The following ADGRA1 variants were observed in gnomAD, a reference collection of about 807,000 sequenced individuals.
ADGRA1 encodes adhesion G protein-coupled receptor A1.
Under a neutral mutation model 21.3 loss-of-function variants are expected in ADGRA1, and 12 were observed. That is an observed-to-expected ratio of 0.56 (90% CI 0.36 to 0.91). ADGRA1 has a LOEUF of 0.91. Ranked by LOEUF, ADGRA1 falls within the 40% of genes least tolerant of loss-of-function variation. The pLI, the probability that ADGRA1 is intolerant of heterozygous loss-of-function variation, is 0.01. For missense variants in ADGRA1, 790 were observed against 805.6 expected, an observed-to-expected ratio of 0.98 and a Z score of 0.23; for synonymous variants, 385 against 368.8, an observed-to-expected ratio of 1.04 and a Z score of -0.50.
At chr10:133,119,230 G>A (rs566427551) in intron 5 of ADGRA1, among the ~76,000 whole-genome samples, 6 of 148,170 alleles carry the variant, frequency 4.0e-5, no homozygotes, top group African/African-American at 1.0e-4. Context: ...TGAGGTCTCC[G>A]CGGACCTTAC....
At chr10:133,121,413 CAT>C (rs1205001999) in intron 5 of ADGRA1, among the ~76,000 whole-genome samples, 1 of 149,196 alleles carries the variant, frequency 6.7e-6, no homozygotes, top group African/African-American at 2.5e-5. Context: ...TGCGTGTGTG[CAT>C]GTGTGTGGTG....
intron 2 of ADGRA1, among the ~76,000 whole-genome samples, chr10:133,090,460 T>C (rs1001169716): frequency 6.6e-6 from 1 of 152,120 alleles, no homozygotes; most frequent in African/African-American, 2.4e-5. Flanking sequence ...CAAGTAACAT[T>C]TGCACCTGAG....
chr10:133,104,904 A>G (rs1365772969), intron 5 of ADGRA1, among the ~76,000 whole-genome samples: 1 of 152,056 alleles, frequency 6.6e-6, no homozygotes, highest in Non-Finnish European at 1.5e-5. Flanking sequence ...GCACCTCCTC[A>G]GGGAGGCCAG....
At chr10:133,109,119 AC>A (rs1199158994) in intron 5 of ADGRA1, among the ~76,000 whole-genome samples, 2 of 90,828 alleles carry the variant, frequency 2.2e-5, no homozygotes, top group African/African-American at 8.8e-5. Context: ...AACCAGCTCC[AC>A]CCCCACAATG....
chr10:133,115,687 C>T (rs1852144419), intron 5 of ADGRA1, among the ~76,000 whole-genome samples: 2 of 152,164 alleles, frequency 1.3e-5, no homozygotes. Flanking sequence ...CGGCCGATGG[C>T]GTTGTCACCC....
intron 5 of ADGRA1, among the ~76,000 whole-genome samples, chr10:133,117,629 T>C: frequency 6.6e-6 from 1 of 152,236 alleles, no homozygotes; most frequent in East Asian, 1.9e-4. Context: ...CTGCCAGTTG[T>C]CAGCTCAGCA....
At chr10:133,098,819 G>C in intron 4 of ADGRA1, 56 bp downstream of exon 4, 3 of 1,564,012 alleles carry the variant, frequency 1.9e-6, no homozygotes, top group Non-Finnish European at 2.6e-6. Flanking sequence ...CGTGAGCGTC[G>C]TCTTGTTTAC....
chr10:133,092,981 G>A (rs558871566), intron 2 of ADGRA1: 94 of 1,590,378 alleles, frequency 5.9e-5, no homozygotes, highest in Non-Finnish European at 6.9e-5. Context: ...ACCTGGCCCC[G>A]GACACCTCAC....
intron 5 of ADGRA1, among the ~76,000 whole-genome samples, chr10:133,117,762 T>C (rs1852185886): frequency 6.6e-6 from 1 of 152,192 alleles, no homozygotes; most frequent in South Asian, 2.1e-4. Flanking sequence ...GGCAGTGACT[T>C]AGAGACACGA....
Position 133,088,777 on chromosome 10 carries a change from C to A in ADGRA1, c.-133C>A. The A allele has an allele frequency of 8.1e-7, 1 of 1,232,008 alleles. No individual in the cohort carries two copies. Among genetic ancestry groups the A allele is most frequent in the Non-Finnish European group, 1.0e-6 (1 of 987,772 alleles). The allele number at this position is 1,232,008 out of a possible 1,614,324, so 76.3% of individuals were successfully genotyped here. A position where few individuals can be genotyped will look rare whatever the true frequency, so the allele number is the denominator to read the frequency against. ...TGAGGCCAGGGGCCCGGGAGCGCGA[C>A]CTCCTGGCCGCCGTCTGGGACTTTG... On this transcript the variant is annotated 5_prime_UTR_variant, in exon 2 of 7. Coordinates refer to ENST00000392607, the MANE Select transcript of ADGRA1 (RefSeq NM_001083909.3).
chr10:133,090,095 AGT>A (rs1276591209), intron 2 of ADGRA1, among the ~76,000 whole-genome samples: 1 of 152,270 alleles, frequency 6.6e-6, no homozygotes, highest in Non-Finnish European at 1.5e-5. Flanking sequence ...GACAGAGGAC[AGT>A]GAACGGAGAA....
intron 5 of ADGRA1, among the ~76,000 whole-genome samples, chr10:133,117,329 G>A (rs754803342): frequency 1.4e-4 from 21 of 152,144 alleles, no homozygotes; most frequent in Admixed American, 3.3e-4. Flanking sequence ...GGCACGCGCC[G>A]AAAGCCTGGC....
At chr10:133,089,056 A>T (rs1356496314) in intron 2 of ADGRA1, 144 bp downstream of exon 2, 2 of 1,230,784 alleles carry the variant, frequency 1.6e-6, no homozygotes, top group East Asian at 3.2e-5. Context: ...CCGGGGTGGG[A>T]GGCTCTGTGG....
chr10:133,105,747 C>T (rs951592885), intron 5 of ADGRA1, among the ~76,000 whole-genome samples: 31 of 152,284 alleles, frequency 2.0e-4, no homozygotes, highest in African/African-American at 7.5e-4. Context: ...GATTGGACTC[C>T]GTGGGCAGGA....
At chr10:133,126,439 G>A (rs1852375054) in intron 5 of ADGRA1, among the ~76,000 whole-genome samples, 1 of 152,196 alleles carries the variant, frequency 6.6e-6, no homozygotes, top group Admixed American at 6.5e-5. Flanking sequence ...GGCCAACCCA[G>A]GTGTTCGCAG....
chr10:133,122,099 A>G (rs1228385497), intron 5 of ADGRA1, among the ~76,000 whole-genome samples: 1 of 152,160 alleles, frequency 6.6e-6, no homozygotes, highest in Admixed American at 6.5e-5. Flanking sequence ...TGCACGTGTG[A>G]GCATGCGCGT....
chr10:133,128,019 A>C (rs923170356), intron 6 of ADGRA1, among the ~76,000 whole-genome samples: 2 of 5,452 alleles, frequency 3.7e-4, no homozygotes, highest in African/African-American at 7.5e-4. Flanking sequence ...CACCAGCCCC[A>C]CCCACCCAGC....
intron 5 of ADGRA1, among the ~76,000 whole-genome samples, chr10:133,121,966 T>C (rs1483757666): frequency 7.0e-6 from 1 of 143,246 alleles, no homozygotes; most frequent in Non-Finnish European, 1.5e-5. Context: ...TGAGTGTGCA[T>C]GCCTGTGTGT....
At chr10:133,105,429 C>T (rs574022263) in intron 5 of ADGRA1, among the ~76,000 whole-genome samples, 2 of 152,114 alleles carry the variant, frequency 1.3e-5, no homozygotes, top group East Asian at 1.9e-4. Flanking sequence ...GCTGCGTGAA[C>T]TCAGGACGCT....
Sources: gnomAD v4.1 joint callset for allele counts (sites outside exome capture counted in the v4.1 genomes callset) on GRCh38, gnomAD v4.1.1 for gene constraint, MANE v1.5 for transcripts, NCBI Gene and HGNC (gene_info 2026-07-23, HGNC 2026-07-21) for gene names.